The following GRM8 variants were observed in gnomAD, a reference collection of about 807,000 sequenced individuals.
GRM8 encodes the protein metabotropic glutamate receptor 8.
Under a neutral mutation model 87.2 loss-of-function variants are expected in GRM8, and 47 were observed. The ratio of observed to expected loss-of-function variants is 0.54; its 90% confidence interval spans 0.43 to 0.69. The LOEUF (loss-of-function observed/expected upper bound fraction) is 0.69. Ranked by LOEUF, GRM8 falls within the 30% of genes least tolerant of loss-of-function variation. The probability of loss-of-function intolerance (pLI) is 0.00; values close to 1 mark genes in which losing one functional copy is unlikely to be tolerated. For missense variants in GRM8, 1,019 were observed against 1,139.2 expected (o/e 0.89, Z 1.52); for synonymous variants, 396 against 404.5 (o/e 0.98, Z 0.25).
intron 3 of GRM8, among the ~76,000 whole-genome samples, chr7:126,936,703 T>C (rs1454294762): frequency 6.6e-6 from 1 of 152,084 alleles, no homozygotes. Context: ...CAGACTGGAA[T>C]GTGAGCAGGA....
chr7:127,245,759 T>A (rs925985750), intron 1 of GRM8, among the ~76,000 whole-genome samples: 4 of 152,246 alleles, frequency 2.6e-5, no homozygotes, highest in African/African-American at 9.6e-5. Context: ...TGGTTTCATT[T>A]CAGTTTCATT....
intron 3 of GRM8, among the ~76,000 whole-genome samples, chr7:126,970,620 T>A (rs1810326356): frequency 6.6e-6 from 1 of 152,166 alleles, no homozygotes; most frequent in Admixed American, 6.6e-5. Flanking sequence ...CTGTTTTGCT[T>A]TCTTATCATT....
chr7:126,564,613 T>C (rs1481750900), intron 8 of GRM8, among the ~76,000 whole-genome samples: 1 of 152,114 alleles, frequency 6.6e-6, no homozygotes, highest in Non-Finnish European at 1.5e-5. Flanking sequence ...CAAAGAAAAG[T>C]GCAGGACCAG....
intron 7 of GRM8, among the ~76,000 whole-genome samples, chr7:126,731,589 G>A (rs79128471): frequency 0.014 from 2,092 of 151,976 alleles, 18 homozygotes; most frequent in Middle Eastern, 0.027. Context: ...CTATTTCTAC[G>A]CATCCCAAAT....
intron 9 of GRM8, among the ~76,000 whole-genome samples, chr7:126,473,427 G>C (rs1374308438): frequency 1.3e-5 from 2 of 152,136 alleles, no homozygotes; most frequent in Admixed American, 1.3e-4. Flanking sequence ...CCTTCATTTT[G>C]GCGAATTTCT....
intron 2 of GRM8, chr7:127,111,271 A>G (rs1196437567): frequency 5.9e-5 from 9 of 152,220 alleles, no homozygotes; most frequent in South Asian, 2.1e-4. Flanking sequence ...ACTCTGAGAA[A>G]TTCCAAAAAT....
chr7:127,183,459 C>T lies in GRM8; in HGVS notation c.510+59236G>A, dbSNP rs115543868. 3.5e-3 allele frequency among the ~76,000 whole-genome samples: 534 copies of T among 151,600 alleles called. 5 individuals carry two copies. The highest frequency in any genetic ancestry group is 0.012 in the African/African-American group (515 of 41,434). ...TTCTAAATAACACATGGAATCAAAG[C>T]GGAAGTCTCAAGAGAAACTGAAAAT... On this transcript the variant is annotated intron_variant, in intron 2 of 10. Transcript: ENST00000339582.
At chr7:126,924,768 G>C (rs1161491772) in intron 3 of GRM8, among the ~76,000 whole-genome samples, 1 of 152,108 alleles carries the variant, frequency 6.6e-6, no homozygotes, top group Non-Finnish European at 1.5e-5. Flanking sequence ...GAACTTAGGA[G>C]CCTCTCTGAG....
At chr7:126,608,497 T>A (rs1230065048) in intron 8 of GRM8, among the ~76,000 whole-genome samples, 4 of 152,206 alleles carry the variant, frequency 2.6e-5, no homozygotes, top group African/African-American at 7.2e-5. Flanking sequence ...TGCTTCCGGC[T>A]GGGCTCTTCA....
chr7:126,834,176 C>T (rs1403335019), intron 6 of GRM8, among the ~76,000 whole-genome samples: 1 of 152,182 alleles, frequency 6.6e-6, no homozygotes, highest in Non-Finnish European at 1.5e-5. Flanking sequence ...CAATTCCCAT[C>T]CTCTCCCCCA....
chr7:127,023,032 G>A (rs1284378883), intron 3 of GRM8, among the ~76,000 whole-genome samples: 1 of 152,044 alleles, frequency 6.6e-6, no homozygotes, highest in Non-Finnish European at 1.5e-5. Flanking sequence ...GTCTTGTGTG[G>A]TCTAGCATTG....
chr7:126,510,878 T>C (rs1318850555), intron 9 of GRM8, among the ~76,000 whole-genome samples: 2 of 152,070 alleles, frequency 1.3e-5, no homozygotes, highest in Admixed American at 6.6e-5. Context: ...AAATTAGAAG[T>C]AAGTCTTTAG....
chr7:127,026,746 G>A (rs1816820211), intron 3 of GRM8, among the ~76,000 whole-genome samples: 1 of 152,098 alleles, frequency 6.6e-6, no homozygotes, highest in Admixed American at 6.6e-5. Context: ...TTAGTGCCTT[G>A]CCAGATGGGT....
intron 2 of GRM8, among the ~76,000 whole-genome samples, chr7:127,177,978 C>A (rs1385701373): frequency 6.6e-6 from 1 of 152,150 alleles, no homozygotes; most frequent in Non-Finnish European, 1.5e-5. Context: ...AGTTCACCAG[C>A]AATGGATCCA....
At chr7:126,549,111 G>A (rs1817494146) in intron 8 of GRM8, among the ~76,000 whole-genome samples, 1 of 151,944 alleles carries the variant, frequency 6.6e-6, no homozygotes, top group Admixed American at 6.6e-5. Flanking sequence ...TCAAACCACT[G>A]AAGAAAACAA....
chr7:126,487,483 A>G (rs1316483885), intron 9 of GRM8, among the ~76,000 whole-genome samples: 1 of 151,912 alleles, frequency 6.6e-6, no homozygotes, highest in Non-Finnish European at 1.5e-5. Flanking sequence ...TTATTTTGAT[A>G]CTACCCTATT....
At chr7:126,637,566 G>A (rs542650922) in intron 7 of GRM8, among the ~76,000 whole-genome samples, 133 of 152,080 alleles carry the variant, frequency 8.7e-4, no homozygotes, top group Non-Finnish European at 1.4e-3. Context: ...CTTAGACATC[G>A]TTGCTCTGTT....
At chr7:126,919,918 T>C (rs974268558) in intron 3 of GRM8, among the ~76,000 whole-genome samples, 76 of 152,206 alleles carry the variant, frequency 5.0e-4, no homozygotes, top group African/African-American at 1.8e-3. Flanking sequence ...GCCTGGCCTC[T>C]TGCTGAGCAT....
intron 7 of GRM8, among the ~76,000 whole-genome samples, chr7:126,747,516 A>G (rs966898417): frequency 6.6e-6 from 1 of 152,030 alleles, no homozygotes; most frequent in African/African-American, 2.4e-5. Flanking sequence ...TAAGCCTAGT[A>G]ACACATCAAG....
Sources: gnomAD v4.1 joint callset for allele counts (sites outside exome capture counted in the v4.1 genomes callset) on GRCh38, gnomAD v4.1.1 for gene constraint, MANE v1.5 for transcripts, NCBI Gene and HGNC (gene_info 2026-07-23, HGNC 2026-07-21) for gene names.